The following FGF12 variants were observed in gnomAD, a reference collection of about 807,000 sequenced individuals.
The protein encoded by FGF12 is fibroblast growth factor 12B.
A neutral mutation model predicts 23.6 loss-of-function variants in FGF12; 14 were observed. The ratio of observed to expected loss-of-function variants is 0.59; its 90% CI spans 0.39 to 0.93. FGF12 has a LOEUF of 0.93. Ranked by LOEUF, FGF12 falls within the 40% of genes least tolerant of loss-of-function variation. The pLI, the probability that FGF12 is intolerant of heterozygous loss-of-function variation, is 0.00. For synonymous variants in FGF12, 62 were observed against 77.3 expected (o/e 0.80, Z 1.04); for missense variants, 175 against 217.8 (o/e 0.80, Z 1.24).
intron 5 of FGF12, among the ~76,000 whole-genome samples, chr3:192,159,786 T>C (rs929262955): frequency 2.0e-5 from 3 of 152,188 alleles, no homozygotes; most frequent in Admixed American, 6.5e-5. Context: ...ATCCTGAACA[T>C]AGAGGCTATA....
chr3:192,723,647 C>T (rs1719107888), intron 2 of FGF12, among the ~76,000 whole-genome samples: 1 of 152,034 alleles, frequency 6.6e-6, no homozygotes, highest in Non-Finnish European at 1.5e-5. Context: ...ATTAGCATCA[C>T]TTGGGAGCCA....
At chr3:192,668,014 C>T (rs554449903) in intron 2 of FGF12, among the ~76,000 whole-genome samples, 2 of 152,154 alleles carry the variant, frequency 1.3e-5, no homozygotes, top group African/African-American at 2.4e-5. Flanking sequence ...TAAAGATGTT[C>T]ATCGTTGTGA....
intron 2 of FGF12, among the ~76,000 whole-genome samples, chr3:192,444,192 G>A (rs1722284486): frequency 6.6e-6 from 1 of 152,122 alleles, no homozygotes; most frequent in Admixed American, 6.5e-5. Context: ...CTGCCACAGT[G>A]TGTGACATCA....
At chr3:192,472,932 T>G (rs1723213685) in intron 2 of FGF12, among the ~76,000 whole-genome samples, 1 of 152,238 alleles carries the variant, frequency 6.6e-6, no homozygotes, top group South Asian at 2.1e-4. Context: ...TTCAAAATTC[T>G]GTTCAAGTAT....
chr3:192,161,339 C>T lies in FGF12; in HGVS notation c.427+9119G>A, dbSNP rs150683343. ...ACACTCAACTTGTAGAGTTGCTGTC[C>T]TTAATTCTTCCATGAGAAATACCCG... On this transcript the variant is annotated intron_variant, in intron 5 of 5. Coordinates refer to ENST00000445105, the MANE Select transcript of FGF12 (RefSeq NM_004113.6). Among the ~76,000 whole-genome samples the T allele has an allele frequency of 3.8e-3, 573 of 152,228 alleles. 2 individuals are homozygous for T. The highest frequency in any genetic ancestry group is 0.013 in the African/African-American group (559 of 41,546).
At chr3:192,628,536 C>T (rs1323290842) in intron 2 of FGF12, among the ~76,000 whole-genome samples, 4 of 145,626 alleles carry the variant, frequency 2.7e-5, no homozygotes, top group Admixed American at 6.9e-5. Flanking sequence ...TATATATATA[C>T]TATTTTTCAT....
intron 2 of FGF12, among the ~76,000 whole-genome samples, chr3:192,587,826 T>C (rs1560160535): frequency 6.6e-6 from 1 of 151,868 alleles, no homozygotes; most frequent in Non-Finnish European, 1.5e-5. Flanking sequence ...TTTCTCATCA[T>C]ATATACGTAA....
At chr3:192,247,187 T>G (rs191798621) in intron 4 of FGF12, among the ~76,000 whole-genome samples, 1 of 152,066 alleles carries the variant, frequency 6.6e-6, no homozygotes, top group South Asian at 2.1e-4. Flanking sequence ...GACTTGCTGA[T>G]GGGAAACATT....
At chr3:192,454,997 T>C (rs968825819) in intron 2 of FGF12, among the ~76,000 whole-genome samples, 11 of 152,172 alleles carry the variant, frequency 7.2e-5, no homozygotes, top group African/African-American at 2.7e-4. Flanking sequence ...ATGGGGAGAA[T>C]ACTTTTTTAA....
At chr3:192,474,885 CA>C (rs769330773) in intron 2 of FGF12, among the ~76,000 whole-genome samples, 5,260 of 64,262 alleles carry the variant, frequency 0.082, 98 homozygotes, top group Middle Eastern at 0.19. Flanking sequence ...AACTTCATCT[CA>C]AAAAAAAAAA....
chr3:192,667,697 A>G (rs1182823816), intron 2 of FGF12, among the ~76,000 whole-genome samples: 1 of 151,786 alleles, frequency 6.6e-6, no homozygotes, highest in South Asian at 2.1e-4. Context: ...GGGCAGGCAC[A>G]GTGAAAGACA....
intron 2 of FGF12, among the ~76,000 whole-genome samples, chr3:192,593,135 C>A (rs992558203): frequency 6.6e-6 from 1 of 151,844 alleles, no homozygotes; most frequent in East Asian, 1.9e-4. Flanking sequence ...CCCCTTCATT[C>A]TTAATAAAAT....
intron 2 of FGF12, among the ~76,000 whole-genome samples, chr3:192,550,022 G>T (rs1481613068): frequency 6.6e-6 from 1 of 151,668 alleles, no homozygotes; most frequent in African/African-American, 2.4e-5. Flanking sequence ...GTCTCTCTCT[G>T]TCTCTCTCTA....
intron 2 of FGF12, among the ~76,000 whole-genome samples, chr3:192,684,550 G>A (rs1270806769): frequency 6.6e-6 from 1 of 152,106 alleles, no homozygotes; most frequent in Non-Finnish European, 1.5e-5. Context: ...GCAGAAAAAT[G>A]ACTGTGGGAC....
intron 2 of FGF12, among the ~76,000 whole-genome samples, chr3:192,419,933 T>G (rs1721470432): frequency 6.6e-6 from 1 of 152,150 alleles, no homozygotes. Flanking sequence ...AAAACCTAAA[T>G]GATAATGTTC....
Position 192,458,956 on chromosome 3 carries a change from C to T in FGF12, c.14-98418G>A, listed in dbSNP as rs542841969. 5.3e-5 allele frequency among the ~76,000 whole-genome samples: 8 copies of T among 152,268 alleles called. No homozygotes were observed. In the South Asian group the frequency reaches 1.2e-3, roughly 24 times the overall value. On this transcript the variant is annotated intron_variant, in intron 2 of 5. Transcript: ENST00000445105. ...TTCTTGCAGTAGTGAATAAGTCTAA[C>T]GAGATCTAATGGGTTTATCAGGGGT...
intron 2 of FGF12, among the ~76,000 whole-genome samples, chr3:192,679,466 T>C (rs1411228554): frequency 2.0e-5 from 3 of 151,986 alleles, no homozygotes; most frequent in Admixed American, 1.3e-4. Flanking sequence ...GGTGTGGTGG[T>C]GCATGCCTGT....
chr3:192,382,512 T>C (rs1228481960), intron 2 of FGF12, among the ~76,000 whole-genome samples: 3 of 152,110 alleles, frequency 2.0e-5, no homozygotes, highest in Non-Finnish European at 4.4e-5. Flanking sequence ...CTTAGTGTGG[T>C]CTTCTCTATT....
intron 2 of FGF12, among the ~76,000 whole-genome samples, chr3:192,697,191 G>T (rs573190148): frequency 6.6e-6 from 1 of 152,194 alleles, no homozygotes; most frequent in African/African-American, 2.4e-5. Flanking sequence ...ATTCCCCAAA[G>T]GTTACTAGAG....
Sources: gnomAD v4.1 joint callset for allele counts (sites outside exome capture counted in the v4.1 genomes callset) on GRCh38, gnomAD v4.1.1 for gene constraint, MANE v1.5 for transcripts, NCBI Gene and HGNC (gene_info 2026-07-23, HGNC 2026-07-21) for gene names.